The following DNAI7 variants were observed in gnomAD, a reference collection of about 807,000 sequenced individuals.
The protein encoded by DNAI7 is dynein axonemal intermediate chain 7.
DNAI7 carries 78 observed loss-of-function variants against 86.6 expected under a neutral mutation model. The ratio of observed to expected loss-of-function variants is 0.90; its 90% CI spans 0.75 to 1.09. The LOEUF (loss-of-function observed/expected upper bound fraction) is 1.09. Among genes scored for constraint, DNAI7 ranks in the 50% least tolerant of loss-of-function variants. The pLI is 0.00. For synonymous variants in DNAI7, 274 were observed against 273.0 expected (o/e 1.00, Z -0.04); for missense variants, 753 against 810.2 (o/e 0.93, Z 0.86).
At chr12:25,114,185 C>T (rs183520749) in intron 13 of DNAI7, among the ~76,000 whole-genome samples, 5 of 152,186 alleles carry the variant, frequency 3.3e-5, no homozygotes, top group South Asian at 4.2e-4. Flanking sequence ...GGTGATTGCC[C>T]GCCTTGGCCT....
At chr12:25,112,671 G>A (rs1939177704) in intron 13 of DNAI7, among the ~76,000 whole-genome samples, 1 of 151,968 alleles carries the variant, frequency 6.6e-6, no homozygotes, top group African/African-American at 2.4e-5. Flanking sequence ...CTCCTAAAGC[G>A]CTGGGATTAC....
intron 2 of DNAI7, among the ~76,000 whole-genome samples, chr12:25,164,887 C>A (rs1191232948): frequency 2.5e-5 from 2 of 80,910 alleles, no homozygotes; most frequent in African/African-American, 5.0e-5. Flanking sequence ...CACCTCCCCT[C>A]CTCACACCCG....
rs754992690 is a variant in DNAI7, at chr12:25,108,684, A to AACTC, written c.2029_2032dup (p.Phe678Ter). The AACTC allele has an allele frequency of 1.9e-6, 3 of 1,613,852 alleles. No individual in the cohort carries two copies. Among genetic ancestry groups the AACTC allele is most frequent in the Non-Finnish European group, 2.5e-6 (3 of 1,179,942 alleles). On this transcript the variant is annotated stop_gained and frameshift_variant, in exon 16 of 16. Transcript: ENST00000395987. LOFTEE classifies it low-confidence loss of function (END_TRUNC). The stretch of plus-strand genomic sequence containing the variant: ...CACCATGTGATATAAAGTAGAATGA[A>AACTC]ACTCAGTTTCTTCTTTAAGTGCTTC...
At chr12:25,193,447 C>T (rs987331381) in intron 1 of DNAI7, among the ~76,000 whole-genome samples, 12 of 152,210 alleles carry the variant, frequency 7.9e-5, no homozygotes, top group Non-Finnish European at 1.5e-5. Flanking sequence ...AGAGGTATCA[C>T]AGACCTGCTG....
intron 9 of DNAI7, among the ~76,000 whole-genome samples, chr12:25,133,413 T>C (rs905599383): frequency 2.0e-5 from 3 of 152,206 alleles, no homozygotes; most frequent in Non-Finnish European, 4.4e-5. Context: ...TTTTGCTCCC[T>C]GCAGTCTACT....
At position 25,128,380 on chromosome 12, in the gene DNAI7, A is replaced by G. The variant is rs145318808; in HGVS notation, c.1003-5094T>C. Among the ~76,000 whole-genome samples, 554 of 152,346 alleles carry G rather than the reference A, an allele frequency of 3.6e-3. 5 individuals are homozygous for G. The highest frequency in any genetic ancestry group is 0.013 in the African/African-American group (532 of 41,578). Reference sequence around the variant, plus strand: ...TGGGTCTACTGGTCTCATTCATTCCAGTGGCTTTAAATACTATCTATAGAC... The same window carrying G: ...TGGGTCTACTGGTCTCATTCATTCCGGTGGCTTTAAATACTATCTATAGAC... On this transcript the variant is annotated intron_variant, in intron 9 of 15. Transcript: ENST00000395987.
chr12:25,108,508 C>A lies in DNAI7; in HGVS notation c.*40G>T. On this transcript the variant is annotated 3_prime_UTR_variant, in exon 16 of 16. Coordinates refer to ENST00000395987, the MANE Select transcript of DNAI7 (RefSeq NM_018272.5). ...GCAGAAATACCTGTCTTTCACCATG[C>A]TTGGTTCTTCATACTTACAATACAG... The A allele has an allele frequency of 6.4e-7, 1 of 1,552,156 alleles. No homozygotes were observed. Among genetic ancestry groups the A allele is most frequent in the Admixed American group, 1.8e-5 (1 of 55,390 alleles).
chr12:25,108,918 C>T (rs953404412), intron 15 of DNAI7, 95 bp from the exon 16 acceptor site: 1 of 741,058 alleles, frequency 1.3e-6, no homozygotes, highest in South Asian at 2.5e-5. Context: ...CAATTTATCC[C>T]CCAAAATTGC....
rs1342186170 is a variant in DNAI7, at chr12:25,129,553, A to G, written c.1003-6267T>C. Among the ~76,000 whole-genome samples, 3 of 152,072 alleles carry G rather than the reference A, an allele frequency of 2.0e-5. No individual in the cohort carries two copies. In the East Asian group the frequency reaches 5.8e-4, roughly 29 times the overall value. Reference sequence around the variant, plus strand: ...TTTTTTATATAACTTATTCCCATGGATTTTTAATTTATCCACGATGATCAC... The same window carrying G: ...TTTTTTATATAACTTATTCCCATGGGTTTTTAATTTATCCACGATGATCAC... On this transcript the variant is annotated intron_variant, in intron 9 of 15. Transcript: ENST00000395987.
In DNAI7 at chr12:25,158,459, A is replaced by G; in HGVS notation, c.198+13T>C. The G allele has an allele frequency of 6.3e-7, 1 of 1,589,766 alleles. No homozygotes were observed. The highest frequency in any genetic ancestry group is 8.6e-7 in the Non-Finnish European group (1 of 1,159,878). ...TTAAGTATTCATTAAGAACATTATT[A>G]ATGTTTATTTACTTTTGCTTCAAGT... is the stretch of plus-strand genomic sequence containing the variant. On this transcript the variant is annotated intron_variant, in intron 4 of 15. Coordinates refer to ENST00000395987, the MANE Select transcript of DNAI7 (RefSeq NM_018272.5).
At chr12:25,127,067 TA>T (rs999355731) in intron 9 of DNAI7, among the ~76,000 whole-genome samples, 1 of 150,684 alleles carries the variant, frequency 6.6e-6, no homozygotes, top group African/African-American at 2.4e-5. Flanking sequence ...AGTCAATTTT[TA>T]AAAAAATTGT....
chr12:25,151,122 C>T (rs913260539), intron 6 of DNAI7, among the ~76,000 whole-genome samples: 21 of 152,266 alleles, frequency 1.4e-4, no homozygotes, highest in East Asian at 1.2e-3. Flanking sequence ...AGCATCGTAG[C>T]GTAGGGTAGT....
At chr12:25,181,860 A>C (rs1949531580) in intron 2 of DNAI7, among the ~76,000 whole-genome samples, 1 of 152,144 alleles carries the variant, frequency 6.6e-6, no homozygotes, top group Non-Finnish European at 1.5e-5. Context: ...CTATTAAAAA[A>C]TTAAAAAAAG....
At chr12:25,119,845 G>C (rs866532514) in intron 11 of DNAI7, among the ~76,000 whole-genome samples, 27 of 152,188 alleles carry the variant, frequency 1.8e-4, no homozygotes, top group African/African-American at 6.5e-4. Context: ...GAATGCAGCA[G>C]ACAAGGATCT....
At chr12:25,162,063 G>C (rs1012807460) in intron 2 of DNAI7, among the ~76,000 whole-genome samples, 1 of 152,100 alleles carries the variant, frequency 6.6e-6, no homozygotes, top group African/African-American at 2.4e-5. Flanking sequence ...AGAATAGATG[G>C]CATCTAAATT....
At chr12:25,149,231 G>C (rs1029751393) in intron 7 of DNAI7, among the ~76,000 whole-genome samples, 1 of 151,872 alleles carries the variant, frequency 6.6e-6, no homozygotes, top group Non-Finnish European at 1.5e-5. Context: ...AAGTAATTGC[G>C]GTTTTTGCCA....
intron 15 of DNAI7, among the ~76,000 whole-genome samples, chr12:25,109,663 T>C (rs887988806): frequency 1.3e-5 from 2 of 152,178 alleles, no homozygotes; most frequent in African/African-American, 2.4e-5. Flanking sequence ...TTTAGATTTA[T>C]ATTTTTGACA....
rs1950946150 is a variant in DNAI7 at position 25,195,151 on chromosome 12, C to T, written c.-73G>A. On this transcript the variant is annotated 5_prime_UTR_variant, in exon 1 of 16. Transcript: ENST00000395987. ...TGTGTGGACAAACGCTCCCGGGTTGCCCGGACGACAGGCCCCGCCCACTTG... is the reference window on the plus strand; with the variant it reads ...TGTGTGGACAAACGCTCCCGGGTTGTCCGGACGACAGGCCCCGCCCACTTG... 2 of 1,516,960 alleles carry T rather than the reference C, an allele frequency of 1.3e-6. No individual in the cohort carries two copies. The highest frequency in any genetic ancestry group is 1.8e-6 in the Non-Finnish European group (2 of 1,092,984). 94.0% of individuals were successfully genotyped at this position (1,516,960 alleles called of 1,614,324 possible).
At chr12:25,187,183 G>T (rs1032906726) in intron 2 of DNAI7, among the ~76,000 whole-genome samples, 1 of 152,150 alleles carries the variant, frequency 6.6e-6, no homozygotes, top group African/African-American at 2.4e-5. Flanking sequence ...TCTCCATGCC[G>T]TGTTTTTATC....
Sources: allele counts gnomAD v4.1 joint callset (sites outside exome capture counted in the v4.1 genomes callset), GRCh38; gene constraint gnomAD v4.1.1; transcripts MANE v1.5; gene names NCBI Gene and HGNC (gene_info 2026-07-23, HGNC 2026-07-21).